TTC39B: variants seen among roughly 807,000 people sequenced by gnomAD.
TTC39B encodes the protein tetratricopeptide repeat domain 39B, also known as tetratricopeptide repeat protein 39B.
A neutral mutation model predicts 96.6 loss-of-function variants in TTC39B; 92 were observed. The observed-to-expected ratio is 0.95, with a 90% CI of 0.80 to 1.13. The LOEUF (loss-of-function observed/expected upper bound fraction) is 1.13, where lower values mean the gene tolerates loss of function less well. Ranked by LOEUF, TTC39B falls within the 50% of genes most tolerant of loss-of-function variation. The pLI, the probability that TTC39B is intolerant of heterozygous loss-of-function variation, is 0.00. For synonymous variants in TTC39B, 367 were observed against 299.4 expected (o/e 1.23, Z -2.33); for missense variants, 955 against 809.3 (o/e 1.18, Z -2.18).
At chr9:15,191,033 G>C (rs1564327847) in intron 10 of TTC39B, among the ~76,000 whole-genome samples, 157 bp downstream of exon 10, 1 of 152,130 alleles carries the variant, frequency 6.6e-6, no homozygotes, top group Non-Finnish European at 1.5e-5. Flanking sequence ...TCTAAGTCCT[G>C]AAAAACATGA....
chr9:15,214,107 A>G (rs771857802), intron 4 of TTC39B, 32 bp downstream of exon 4: 3 of 1,484,276 alleles, frequency 2.0e-6, no homozygotes, highest in Non-Finnish European at 2.8e-6. Flanking sequence ...CATCTGAAAG[A>G]TATTTTATCT....
chr9:15,236,792 C>T (rs945257315), intron 2 of TTC39B, among the ~76,000 whole-genome samples: 1 of 152,122 alleles, frequency 6.6e-6, no homozygotes, highest in Non-Finnish European at 1.5e-5. Context: ...AAAGACACAA[C>T]ATACTAAAAC....
chr9:15,203,889 C>T, exon 7 of TTC39B: 1 of 1,612,264 alleles, frequency 6.2e-7, no homozygotes, highest in Non-Finnish European at 8.5e-7. Flanking sequence ...CATGCATTTC[C>T]TCTACAAAAA....
intron 2 of TTC39B, among the ~76,000 whole-genome samples, chr9:15,243,761 T>C (rs545206922): frequency 5.1e-4 from 77 of 152,140 alleles, no homozygotes; most frequent in Admixed American, 2.4e-3. Flanking sequence ...AAATAAAAAA[T>C]TGGACGTATG....
At chr9:15,286,881 T>C (rs1326735936) in intron 1 of TTC39B, among the ~76,000 whole-genome samples, 2 of 152,246 alleles carry the variant, frequency 1.3e-5, no homozygotes, top group East Asian at 3.8e-4. Context: ...ATTATTTTGT[T>C]GCTCAAATTG....
chr9:15,247,654 T>G (rs1822339003), intron 2 of TTC39B, among the ~76,000 whole-genome samples: 1 of 152,158 alleles, frequency 6.6e-6, no homozygotes, highest in Non-Finnish European at 1.5e-5. Context: ...AATCTGCCCA[T>G]AAGTGCAATC....
chr9:15,172,091 G>A, exon 20 of TTC39B: 1 of 1,612,288 alleles, frequency 6.2e-7, no homozygotes, highest in Non-Finnish European at 8.5e-7. Context: ...ACTCCAGGGA[G>A]TAATCTTTGT....
intron 6 of TTC39B, among the ~76,000 whole-genome samples, chr9:15,206,710 T>C (rs1819877909): frequency 6.6e-6 from 1 of 152,174 alleles, no homozygotes; most frequent in Admixed American, 6.5e-5. Context: ...AATAAACCTG[T>C]ATTTCATAAT....
At chr9:15,307,177 G>T (rs1824780952) in exon 1 of TTC39B, 1 of 1,590,862 alleles carries the variant, frequency 6.3e-7, no homozygotes, top group Admixed American at 1.8e-5. Context: ...ACTCAGAGCC[G>T]ACTCCTGCTC....
At chr9:15,234,601 G>C (rs1049431260) in intron 2 of TTC39B, among the ~76,000 whole-genome samples, 1 of 152,120 alleles carries the variant, frequency 6.6e-6, no homozygotes, top group Non-Finnish European at 1.5e-5. Flanking sequence ...GGGAAAGGTG[G>C]GGAAAAGATT....
chr9:15,265,348 C>G (rs1283582339), intron 2 of TTC39B, among the ~76,000 whole-genome samples: 4 of 152,180 alleles, frequency 2.6e-5, no homozygotes, highest in Admixed American at 2.6e-4. Flanking sequence ...GTCAGTGAGA[C>G]CCGTCCTCCT....
At chr9:15,215,592 T>G (rs1474497771) in intron 3 of TTC39B, among the ~76,000 whole-genome samples, 1 of 145,230 alleles carries the variant, frequency 6.9e-6, no homozygotes, top group African/African-American at 2.6e-5. Flanking sequence ...GCACGGTGGC[T>G]CATGCCTCTA....
exon 20 of TTC39B, chr9:15,167,072 T>G (rs1323610715): frequency 9.1e-6 from 1 of 109,948 alleles, no homozygotes; most frequent in Admixed American, 1.0e-4. Context: ...GGTCTCACTC[T>G]GTCACCTGGG....
chr9:15,171,248 A>T (rs1227765046), exon 20 of TTC39B: 1 of 52,866 alleles, frequency 1.9e-5, no homozygotes, highest in African/African-American at 9.4e-5. Flanking sequence ...TTCCTAGAAG[A>T]AAAATAATCC....
intron 2 of TTC39B, among the ~76,000 whole-genome samples, chr9:15,243,806 A>T (rs1370060011): frequency 6.6e-6 from 1 of 152,228 alleles, no homozygotes; most frequent in Non-Finnish European, 1.5e-5. Context: ...GCTACTCAGG[A>T]GGCTGAGAGG....
intron 8 of TTC39B, 98 bp downstream of exon 8, chr9:15,199,763 A>AAAAC (rs1819418257): frequency 2.5e-6 from 1 of 402,336 alleles, no homozygotes; most frequent in African/African-American, 2.3e-5. Context: ...AAAAAAAAAA[A>AAAAC]AAAAATCCTA....
At chr9:15,294,225 AG>A (rs1824291390) in intron 1 of TTC39B, among the ~76,000 whole-genome samples, 1 of 146,524 alleles carries the variant, frequency 6.8e-6, no homozygotes, top group Non-Finnish European at 1.5e-5. Context: ...AAAAAAAAAA[AG>A]CAGTCTAGCG....
chr9:15,296,526 C>T (rs1824381978), intron 1 of TTC39B, among the ~76,000 whole-genome samples: 1 of 152,126 alleles, frequency 6.6e-6, no homozygotes, highest in Non-Finnish European at 1.5e-5. Context: ...AGGAATTTCA[C>T]TCTTTTTGCC....
intron 18 of TTC39B, among the ~76,000 whole-genome samples, chr9:15,176,086 G>T (rs1021328636): frequency 2.6e-5 from 4 of 152,290 alleles, no homozygotes; most frequent in Admixed American, 2.6e-4. Flanking sequence ...CAAGAAGTAA[G>T]CAATGAAATT....
Sources: gnomAD v4.1 joint callset for allele counts (sites outside exome capture counted in the v4.1 genomes callset) on GRCh38, gnomAD v4.1.1 for gene constraint, MANE v1.5 for transcripts, NCBI Gene and HGNC (gene_info 2026-07-23, HGNC 2026-07-21) for gene names.